VEPH1: variants seen among roughly 807,000 people sequenced by gnomAD.
VEPH1 encodes the protein ventricular zone-expressed PH domain-containing protein homolog 1.
A neutral mutation model predicts 85.2 loss-of-function variants in VEPH1; 80 were observed. The observed-to-expected ratio is 0.94, with a 90% CI of 0.78 to 1.13. The LOEUF is 1.13. Among genes scored for constraint, VEPH1 ranks in the 50% most tolerant of loss-of-function variants. The pLI, the probability that VEPH1 is intolerant of heterozygous loss-of-function variation, is 0.00. For synonymous variants in VEPH1, 297 were observed against 348.0 expected (o/e 0.85, Z 1.63); for missense variants, 955 against 980.5 (o/e 0.97, Z 0.35).
intron 4 of VEPH1, chr3:157,437,496 T>G: frequency 6.3e-7 from 1 of 1,596,824 alleles, no homozygotes; most frequent in Non-Finnish European, 8.5e-7. Context: ...CTAACGTGTG[T>G]GTATCCCGTA....
At chr3:157,273,381 C>T (rs970874974) in intron 12 of VEPH1, among the ~76,000 whole-genome samples, 6 of 152,098 alleles carry the variant, frequency 3.9e-5, no homozygotes, top group Admixed American at 2.6e-4. Flanking sequence ...GATCTGTGCA[C>T]AGGGTCTAAC....
chr3:157,448,443 T>A (rs1734713786), intron 4 of VEPH1, among the ~76,000 whole-genome samples: 1 of 152,198 alleles, frequency 6.6e-6, no homozygotes, highest in Non-Finnish European at 1.5e-5. Context: ...ATTACTACTT[T>A]TAGATTAAAT....
intron 4 of VEPH1, among the ~76,000 whole-genome samples, chr3:157,451,536 A>G (rs1038439520): frequency 4.6e-4 from 70 of 152,368 alleles, no homozygotes; most frequent in African/African-American, 1.6e-3. Flanking sequence ...AAATTGGCTT[A>G]GAACTATTGA....
intron 12 of VEPH1, 106 bp downstream of exon 12, chr3:157,286,451 A>G: frequency 2.4e-6 from 2 of 845,862 alleles, no homozygotes; most frequent in Non-Finnish European, 4.0e-6. Flanking sequence ...CATTATTACA[A>G]CTGGGGATGT....
At chr3:157,480,765 G>A (rs1737966969) in intron 2 of VEPH1, among the ~76,000 whole-genome samples, 1 of 152,082 alleles carries the variant, frequency 6.6e-6, no homozygotes, top group Admixed American at 6.6e-5. Context: ...ACATAAAACT[G>A]CATATGTCTT....
At chr3:157,414,501 AG>A (rs1216297433) in intron 5 of VEPH1, among the ~76,000 whole-genome samples, 1 of 152,186 alleles carries the variant, frequency 6.6e-6, no homozygotes, top group Non-Finnish European at 1.5e-5. Context: ...TTCAAAATGG[AG>A]AAATCCAGTT....
At chr3:157,313,545 G>A in intron 11 of VEPH1, 76 bp downstream of exon 11, 4 of 1,491,940 alleles carry the variant, frequency 2.7e-6, no homozygotes, top group Non-Finnish European at 3.6e-6. Flanking sequence ...AAATTTAATT[G>A]CTAAAAAAAA....
chr3:157,439,883 T>G (rs1733985464), intron 4 of VEPH1, among the ~76,000 whole-genome samples: 2 of 152,174 alleles, frequency 1.3e-5, no homozygotes, highest in African/African-American at 4.8e-5. Context: ...CCTGAGTAGC[T>G]GGGACTACAG....
At chr3:157,379,559 T>C (rs1305720218) in intron 7 of VEPH1, among the ~76,000 whole-genome samples, 2 of 152,164 alleles carry the variant, frequency 1.3e-5, no homozygotes, top group African/African-American at 4.8e-5. Context: ...GTAAGGATAG[T>C]ACCTTATATC....
intron 9 of VEPH1, among the ~76,000 whole-genome samples, chr3:157,362,036 T>A (rs1332438188): frequency 6.6e-6 from 1 of 152,126 alleles, no homozygotes; most frequent in African/African-American, 2.4e-5. Flanking sequence ...TTTTTATTTT[T>A]TTTTTGGGTG....
intron 1 of VEPH1, among the ~76,000 whole-genome samples, chr3:157,498,902 C>T (rs1270055428): frequency 6.6e-6 from 1 of 152,188 alleles, no homozygotes; most frequent in Non-Finnish European, 1.5e-5. Context: ...TACACACAAG[C>T]ATACCATATA....
At chr3:157,478,227 G>C (rs924957990) in intron 2 of VEPH1, among the ~76,000 whole-genome samples, 1 of 152,084 alleles carries the variant, frequency 6.6e-6, no homozygotes, top group Admixed American at 6.6e-5. Flanking sequence ...GACTCTGAAG[G>C]GTCATCCCAG....
chr3:157,494,007 G>A (rs529959720), intron 2 of VEPH1, among the ~76,000 whole-genome samples: 251 of 152,284 alleles, frequency 1.6e-3, no homozygotes, highest in Non-Finnish European at 2.8e-3. Flanking sequence ...AATGTACCAG[G>A]AACATGTTGT....
At chr3:157,269,642 G>GTTTTTTTTTTTTTTTTTTTT (rs11408861) in intron 12 of VEPH1, among the ~76,000 whole-genome samples, 8 of 115,454 alleles carry the variant, frequency 6.9e-5, no homozygotes, top group African/African-American at 1.3e-4. Context: ...TGTTTTTGTT[G>GTTTTTTTTTTTTTTTTTTTT]TTTTTTTTTT....
chr3:157,277,019 A>C (rs949698619), intron 12 of VEPH1, among the ~76,000 whole-genome samples: 1 of 152,038 alleles, frequency 6.6e-6, no homozygotes, highest in African/African-American at 2.4e-5. Context: ...TCAGCCCTGC[A>C]AGTAGCTGGG....
At chr3:157,310,298 G>A (rs182632294) in intron 11 of VEPH1, among the ~76,000 whole-genome samples, 62 of 152,270 alleles carry the variant, frequency 4.1e-4, no homozygotes, top group African/African-American at 1.4e-3. Flanking sequence ...GCTGGCTAGG[G>A]ATTAGAATAT....
intron 1 of VEPH1, among the ~76,000 whole-genome samples, chr3:157,495,868 G>C (rs777718707): frequency 1.5e-4 from 23 of 152,254 alleles, no homozygotes; most frequent in Non-Finnish European, 2.8e-4. Context: ...CAAACAGAAA[G>C]GGAGAACAAA....
chr3:157,441,751 C>T (rs944361792), intron 4 of VEPH1, among the ~76,000 whole-genome samples: 2 of 150,816 alleles, frequency 1.3e-5, no homozygotes, highest in African/African-American at 2.4e-5. Flanking sequence ...CGAAGGTTGC[C>T]GTGAGTCGAG....
intron 9 of VEPH1, among the ~76,000 whole-genome samples, chr3:157,333,898 TGA>T (rs1197151471): frequency 2.6e-5 from 4 of 152,214 alleles, no homozygotes; most frequent in African/African-American, 9.6e-5. Context: ...CATGTATATG[TGA>T]GTCACCCATT....
Sources: gnomAD v4.1 joint callset for allele counts (sites outside exome capture counted in the v4.1 genomes callset) on GRCh38, gnomAD v4.1.1 for gene constraint, MANE v1.5 for transcripts, NCBI Gene and HGNC (gene_info 2026-07-23, HGNC 2026-07-21) for gene names.